The following CEP135 variants were observed in gnomAD, a reference collection of about 807,000 sequenced individuals.
CEP135 encodes centrosomal protein 135.
In CEP135, 142 loss-of-function variants were observed where a neutral mutation model predicts 157.3. The ratio of observed to expected loss-of-function variants is 0.90; its 90% CI spans 0.79 to 1.04. The LOEUF (loss-of-function observed/expected upper bound fraction) is 1.04, where lower values mean the gene tolerates loss of function less well. CEP135 is among the 50% of genes least tolerant of loss of function. The probability of loss-of-function intolerance (pLI) is 0.00; values close to 1 mark genes in which losing one functional copy is unlikely to be tolerated. For synonymous variants in CEP135, 396 were observed against 439.8 expected, an observed-to-expected ratio of 0.90 and a Z score of 1.25; for missense variants, 1,317 against 1,309.2, an observed-to-expected ratio of 1.01 and a Z score of -0.09.
intron 6 of CEP135, 28 bp downstream of exon 6, chr4:55,959,794 G>A (rs765158583): frequency 6.6e-7 from 1 of 1,510,548 alleles, no homozygotes; most frequent in South Asian, 1.1e-5. Flanking sequence ...TTGCATAGTA[G>A]GGATTGAGAT....
At chr4:55,989,904 T>C (rs572252007) in intron 14 of CEP135, among the ~76,000 whole-genome samples, 1 of 152,282 alleles carries the variant, frequency 6.6e-6, no homozygotes, top group South Asian at 2.1e-4. Flanking sequence ...ACAATTCCCT[T>C]TCTAGATATG....
intron 1 of CEP135, among the ~76,000 whole-genome samples, chr4:55,949,624 A>T (rs1728293532): frequency 1.3e-5 from 2 of 152,200 alleles, no homozygotes; most frequent in Non-Finnish European, 2.9e-5. Context: ...GTGCACACAT[A>T]CATACAGCAT....
chr4:55,995,810 C>T (rs1232716719), intron 15 of CEP135, among the ~76,000 whole-genome samples: 1 of 152,192 alleles, frequency 6.6e-6, no homozygotes, highest in Non-Finnish European at 1.5e-5. Context: ...CTCAGTCAAG[C>T]CCCTAGTAAA....
intron 25 of CEP135, among the ~76,000 whole-genome samples, chr4:56,026,330 A>G (rs776651033): frequency 6.6e-6 from 1 of 152,138 alleles, no homozygotes; most frequent in Non-Finnish European, 1.5e-5. Flanking sequence ...CAAAAACAAA[A>G]CAAAACTAAC....
chr4:55,981,177 A>G (rs1210607491), intron 12 of CEP135, 50 bp from the exon 13 acceptor site: 2 of 1,507,290 alleles, frequency 1.3e-6, no homozygotes, highest in Non-Finnish European at 1.8e-6. Context: ...TTTTTTATTT[A>G]TATCTTTTAC....
At chr4:56,017,508 C>CAGCT (rs1730814850) in intron 21 of CEP135, 140 bp from the exon 22 acceptor site, 1 of 618,706 alleles carries the variant, frequency 1.6e-6, no homozygotes. Context: ...AAATAGTAGG[C>CAGCT]AGCTTCCTGA....
At chr4:56,030,227 C>G (rs1303074429) in intron 25 of CEP135, among the ~76,000 whole-genome samples, 1 of 152,156 alleles carries the variant, frequency 6.6e-6, no homozygotes, top group Non-Finnish European at 1.5e-5. Context: ...GGAATACTTC[C>G]TGAAGGACCT....
In CEP135 at chr4:55,964,264, A is replaced by C. The variant is rs369136062; in HGVS notation, c.700-10A>C. The C allele has an allele frequency of 1.9e-6, 3 of 1,600,942 alleles. No homozygotes were observed. Among genetic ancestry groups the C allele is most frequent in the Admixed American group, 3.5e-5 (2 of 56,462 alleles). On this transcript the variant is annotated splice_polypyrimidine_tract_variant and intron_variant, in intron 6 of 25. Coordinates refer to ENST00000257287, the MANE Select transcript of CEP135 (RefSeq NM_025009.5). ...GATTTTTTAAAATGACAGCATGACT[A>C]TATCTTCAGATTGAGCTAAGAGAAC...
At chr4:55,964,812 T>C (rs1197018669) in intron 7 of CEP135, 1 of 151,410 alleles carries the variant, frequency 6.6e-6, no homozygotes, top group African/African-American at 2.4e-5. Flanking sequence ...TTTTTTAAAA[T>C]TTTTATGAGT....
At chr4:55,960,559 A>G (rs1728644964) in intron 6 of CEP135, 1 of 152,198 alleles carries the variant, frequency 6.6e-6, no homozygotes, top group African/African-American at 2.4e-5. Context: ...ACACACAAAT[A>G]TAGATGTAAC....
In CEP135 at chr4:56,033,212, ATGT is replaced by A. The variant is rs1213708423; in HGVS notation, c.*1869_*1871del. ...AATTTAAAAATGTATAGCCTGCCAA[ATGT>A]TGTTTTCATAACCATGATATTGTTT... On this transcript the variant is annotated 3_prime_UTR_variant, in exon 26 of 26. Coordinates refer to ENST00000257287, the MANE Select transcript of CEP135 (RefSeq NM_025009.5). The A allele has an allele frequency of 3.3e-5, 5 of 152,100 alleles. No homozygotes were observed. Among genetic ancestry groups the A allele is most frequent in the Admixed American group, 3.3e-4 (5 of 15,260 alleles). The allele number at this position is 152,100 out of a possible 1,614,324, so 9.4% of individuals were successfully genotyped here.
At chr4:55,961,976 AATT>A (rs1204235743) in intron 6 of CEP135, among the ~76,000 whole-genome samples, 1 of 151,906 alleles carries the variant, frequency 6.6e-6, no homozygotes, top group East Asian at 1.9e-4. Flanking sequence ...TACTTTAATC[AATT>A]ATTCTTTTTT....
chr4:55,980,046 T>C, intron 11 of CEP135, 97 bp from the exon 12 acceptor site: 1 of 1,029,152 alleles, frequency 9.7e-7, no homozygotes, highest in Non-Finnish European at 1.5e-6. Flanking sequence ...ACTTGTGTTC[T>C]TTTTGTCTGG....
chr4:55,959,154 A>G (rs919387076), intron 5 of CEP135, among the ~76,000 whole-genome samples: 10 of 152,338 alleles, frequency 6.6e-5, no homozygotes, highest in African/African-American at 2.4e-4. Context: ...TAATTATGTC[A>G]TAATGTACCT....
At chr4:55,997,021 C>T (rs1312016014) in intron 15 of CEP135, among the ~76,000 whole-genome samples, 2 of 152,204 alleles carry the variant, frequency 1.3e-5, no homozygotes, top group Admixed American at 1.3e-4. Flanking sequence ...TTGCTTCACT[C>T]TCTGGTGAGA....
At chr4:55,985,413 A>G (rs1236650397) in intron 14 of CEP135, 55 bp downstream of exon 14, 8 of 794,226 alleles carry the variant, frequency 1.0e-5, no homozygotes, top group East Asian at 5.3e-5. Context: ...AACTATGTCA[A>G]TTACAGTTTT....
rs536181373 is a variant in CEP135 at position 56,012,063 on chromosome 4, A to T, written c.2802+78A>T. 30 of 964,876 alleles carry T rather than the reference A, an allele frequency of 3.1e-5. No homozygotes were observed. In the African/African-American group the frequency reaches 3.8e-4, roughly 12 times the overall value. The allele number at this position is 964,876 out of a possible 1,614,324, so 59.8% of individuals were successfully genotyped here. A position where few individuals can be genotyped will look rare whatever the true frequency, so the allele number is the denominator to read the frequency against. ...TCAAAGATACTTTATTTATTTATTT[A>T]TTTATTTTTTTTGAGATGAAGTCTG... is the stretch of plus-strand genomic sequence containing the variant. On this transcript the variant is annotated intron_variant, in intron 21 of 25. Coordinates refer to ENST00000257287, the MANE Select transcript of CEP135 (RefSeq NM_025009.5).
In CEP135 at chr4:56,017,787, G is replaced by A. The variant is rs764807049; in HGVS notation, c.2942G>A (p.Cys981Tyr). ...LNDLSSLRELCIKLDSGKDIM... is the reference protein window; with the variant it reads ...LNDLSSLRELYIKLDSGKDIM... Reference sequence around the variant, plus strand: ...GACTTGTCATCTCTTAGAGAACTTTGCATTAAACTTGATTCAGGCAAAGAT... The same window carrying A: ...GACTTGTCATCTCTTAGAGAACTTTACATTAAACTTGATTCAGGCAAAGAT... The change falls in exon 22 of 26, where the codon TGC becomes TAC. Residue 981 changes from cysteine to tyrosine, a missense_variant. By Grantham distance (194) the Cys-to-Tyr change is radical. Coordinates refer to ENST00000257287, the MANE Select transcript of CEP135 (RefSeq NM_025009.5). 1.2e-6 allele frequency: 2 copies of A among 1,613,806 alleles called. No individual in the cohort carries two copies. Among genetic ancestry groups the A allele is most frequent in the Admixed American group, 1.7e-5 (1 of 60,004 alleles).
intron 21 of CEP135, among the ~76,000 whole-genome samples, chr4:56,015,386 G>A (rs1224217345): frequency 6.6e-6 from 1 of 152,202 alleles, no homozygotes; most frequent in Admixed American, 6.5e-5. Context: ...CTCAGAGGCT[G>A]GTGGGGCTGT....
Sources: gnomAD v4.1 joint callset for allele counts (sites outside exome capture counted in the v4.1 genomes callset) on GRCh38, gnomAD v4.1.1 for gene constraint, MANE v1.5 for transcripts, NCBI Gene and HGNC (gene_info 2026-07-23, HGNC 2026-07-21) for gene names.